Variants in PDE5A observed in about 807,000 individuals in gnomAD.
The protein encoded by PDE5A is phosphodiesterase 5A.
PDE5A carries 67 observed loss-of-function variants against 110.2 expected under a neutral mutation model. The ratio of observed to expected loss-of-function variants is 0.61; its 90% CI spans 0.50 to 0.75. The LOEUF (loss-of-function observed/expected upper bound fraction) is 0.75. Among genes scored for constraint, PDE5A ranks in the 30% least tolerant of loss-of-function variants. PDE5A has a pLI of 0.00. For synonymous variants in PDE5A, 328 were observed against 351.2 expected, an observed-to-expected ratio of 0.93 and a Z score of 0.74; for missense variants, 862 against 1,045.1, an observed-to-expected ratio of 0.82 and a Z score of 2.42.
At chr4:119,552,947 T>C (rs1727409659) in intron 8 of PDE5A, among the ~76,000 whole-genome samples, 1 of 151,956 alleles carries the variant, frequency 6.6e-6, no homozygotes, top group Non-Finnish European at 1.5e-5. Context: ...TATACTAGTG[T>C]AGTAAATGCC....
In PDE5A at chr4:119,595,045, G is replaced by A. The variant is rs1295208535; in HGVS notation, c.831+1478C>T. On this transcript the variant is annotated intron_variant, in intron 3 of 20. Coordinates refer to ENST00000354960, the MANE Select transcript of PDE5A (RefSeq NM_001083.4). ...TAAAGGGAAATTGACTGCAAGGATAGAAACACCTTACAAGAACATTTAAAA... is the reference window on the plus strand; with the variant it reads ...TAAAGGGAAATTGACTGCAAGGATAAAAACACCTTACAAGAACATTTAAAA... 2.6e-5 allele frequency among the ~76,000 whole-genome samples: 4 copies of A among 152,126 alleles called. No homozygotes were observed. The East Asian group carries it at 7.7e-4, about 29-fold the overall frequency.
chr4:119,603,375 A>ATAC (rs1729411441), intron 2 of PDE5A, among the ~76,000 whole-genome samples: 1 of 148,590 alleles, frequency 6.7e-6, no homozygotes, highest in African/African-American at 2.5e-5. Context: ...GCTTAAAATA[A>ATAC]ATACATACAT....
At chr4:119,504,069 A>G (rs2127827) in intron 18 of PDE5A, among the ~76,000 whole-genome samples, 92,124 of 151,806 alleles carry the variant, frequency 0.61, 29,423 homozygotes, top group African/African-American at 0.81. Context: ...CATTGTACCC[A>G]GTAGGTTGTT....
intron 16 of PDE5A, among the ~76,000 whole-genome samples, chr4:119,506,665 G>C (rs1430788021): frequency 1.3e-5 from 2 of 151,722 alleles, no homozygotes; most frequent in Non-Finnish European, 2.9e-5. Context: ...GTGGTTACAG[G>C]TATTTTTCAA....
intron 3 of PDE5A, among the ~76,000 whole-genome samples, chr4:119,592,393 G>C (rs1729004870): frequency 6.8e-6 from 1 of 146,748 alleles, no homozygotes; most frequent in Admixed American, 6.9e-5. Flanking sequence ...GGGAGGCGGA[G>C]GCTGCAGTGA....
At chr4:119,560,275 G>GTA (rs1727701078) in intron 7 of PDE5A, 21 bp downstream of exon 7, 2 of 1,414,134 alleles carry the variant, frequency 1.4e-6, no homozygotes, top group Admixed American at 1.9e-5. Flanking sequence ...ATAAAGACAA[G>GTA]TAGAGAATAC....
rs764620531 is a variant in PDE5A, at chr4:119,567,156, A to C, written c.832-12T>G. The C allele has an allele frequency of 6.3e-7, 1 of 1,599,476 alleles. No homozygotes were observed. On this transcript the variant is annotated splice_polypyrimidine_tract_variant and intron_variant, in intron 3 of 20. Transcript: ENST00000354960. ...GCTACACCAACAACCTGGTATAAGGAGAGAAAAGCGACAATTTTTTTATTG... is the reference window on the plus strand; with the variant it reads ...GCTACACCAACAACCTGGTATAAGGCGAGAAAAGCGACAATTTTTTTATTG...
intron 11 of PDE5A, among the ~76,000 whole-genome samples, chr4:119,527,801 CAG>C (rs989474821): frequency 2.6e-5 from 4 of 151,080 alleles, no homozygotes; most frequent in African/African-American, 4.9e-5. Context: ...ACATATTTTA[CAG>C]AGTCTGTAAA....
intron 3 of PDE5A, among the ~76,000 whole-genome samples, chr4:119,579,387 C>G (rs943045636): frequency 1.3e-5 from 2 of 152,178 alleles, no homozygotes; most frequent in African/African-American, 4.8e-5. Flanking sequence ...GACACATGCA[C>G]ACATATGTTT....
At chr4:119,624,080 G>C (rs1730253764) in intron 1 of PDE5A, among the ~76,000 whole-genome samples, 1 of 151,982 alleles carries the variant, frequency 6.6e-6, no homozygotes, top group Non-Finnish European at 1.5e-5. Flanking sequence ...CTTAGAGCTG[G>C]TTATATGGAC....
At chr4:119,594,878 G>A (rs886754042) in intron 3 of PDE5A, among the ~76,000 whole-genome samples, 1 of 152,066 alleles carries the variant, frequency 6.6e-6, no homozygotes, top group Admixed American at 6.6e-5. Context: ...AGAATCTCAG[G>A]TTCTACCCAG....
chr4:119,567,548 G>A (rs3736115), intron 3 of PDE5A, among the ~76,000 whole-genome samples: 39,983 of 151,890 alleles, frequency 0.26, 5,391 homozygotes, highest in East Asian at 0.38. Flanking sequence ...ATTCCAAAAC[G>A]GCTAAATGCT....
Position 119,606,959 on chromosome 4 carries a change from T to C in PDE5A, c.491A>G (p.Asp164Gly), listed in dbSNP as rs1729556497. 2 of 1,614,162 alleles carry C rather than the reference T, an allele frequency of 1.2e-6. No individual in the cohort carries two copies. The highest frequency in any genetic ancestry group is 1.7e-6 in the Non-Finnish European group (2 of 1,180,008). Reference protein sequence around the residue: ...ELVKDISSHLDVTALCHKIFL... With the variant: ...ELVKDISSHLGVTALCHKIFL... ...AATTTTGTGACATAAGGCTGTGACATCCAAATGACTAGAAATATCCTTCAC... is the reference window on the plus strand; with the variant it reads ...AATTTTGTGACATAAGGCTGTGACACCCAAATGACTAGAAATATCCTTCAC... Residue 164 changes from aspartate (D) to glycine (G), a missense_variant, in exon 2 of 21, where the codon GAT (aspartate) becomes GGT (glycine). Coordinates refer to ENST00000354960, the MANE Select transcript of PDE5A (RefSeq NM_001083.4).
intron 13 of PDE5A, 188 bp from the exon 14 acceptor site, chr4:119,519,327 G>A: frequency 2.0e-6 from 1 of 503,876 alleles, no homozygotes. Flanking sequence ...CATTCAGAAT[G>A]GGATCACCAC....
chr4:119,516,110 T>C (rs1042496769), intron 14 of PDE5A, among the ~76,000 whole-genome samples: 15 of 152,224 alleles, frequency 9.9e-5, no homozygotes, highest in Admixed American at 7.9e-4. Context: ...CCTTTCTCCT[T>C]TCTAAATCCT....
intron 11 of PDE5A, among the ~76,000 whole-genome samples, chr4:119,526,325 C>A (rs909586842): frequency 2.0e-5 from 3 of 152,166 alleles, no homozygotes; most frequent in Non-Finnish European, 4.4e-5. Context: ...ACTTGCCTCA[C>A]ACAAGCCTGA....
At chr4:119,527,238 T>C (rs1726357902) in intron 11 of PDE5A, 1 of 152,168 alleles carries the variant, frequency 6.6e-6, no homozygotes. Context: ...TCTACTGTAA[T>C]TCCTAATCTC....
chr4:119,592,792 G>A (rs1358420381), intron 3 of PDE5A, among the ~76,000 whole-genome samples: 2 of 152,096 alleles, frequency 1.3e-5, no homozygotes, highest in East Asian at 3.9e-4. Flanking sequence ...CTCATGAAAT[G>A]CTTAGTGTAA....
chr4:119,621,002 C>T lies in PDE5A; in HGVS notation c.152+7518G>A, dbSNP rs535528337. ...GATAGTTAGAACCATATCTACTTTG[C>T]AAGAGTGTTTTAATGAATGCTGTAA... is the stretch of plus-strand genomic sequence containing the variant. On this transcript the variant is annotated intron_variant, in intron 1 of 20. Coordinates refer to ENST00000354960, the MANE Select transcript of PDE5A (RefSeq NM_001083.4). Among the ~76,000 whole-genome samples the T allele has an allele frequency of 2.6e-5, 4 of 152,298 alleles. No individual in the cohort carries two copies. In the South Asian group the frequency reaches 8.3e-4, roughly 32 times the overall value.
Sources: allele counts gnomAD v4.1 joint callset (sites outside exome capture counted in the v4.1 genomes callset), GRCh38; gene constraint gnomAD v4.1.1; transcripts MANE v1.5; gene names NCBI Gene and HGNC (gene_info 2026-07-23, HGNC 2026-07-21).